Variants in RMND5A observed in about 807,000 individuals in gnomAD.
RMND5A encodes the protein E3 ubiquitin-protein transferase RMND5A.
A neutral mutation model predicts 49.7 loss-of-function variants in RMND5A; 17 were observed. The ratio of observed to expected loss-of-function variants is 0.34; its 90% confidence interval spans 0.23 to 0.51. RMND5A has a LOEUF of 0.51. RMND5A is among the 20% of genes least tolerant of loss of function. The probability of loss-of-function intolerance (pLI) is 0.96; values close to 1 mark genes in which losing one functional copy is unlikely to be tolerated. For synonymous variants in RMND5A, 156 were observed against 167.7 expected (o/e 0.93, Z 0.54); for missense variants, 255 against 471.3 (o/e 0.54, Z 4.25).
intron 6 of RMND5A, among the ~76,000 whole-genome samples, chr2:86,766,881 A>G (rs1204704679): frequency 2.6e-5 from 4 of 152,136 alleles, no homozygotes; most frequent in East Asian, 1.9e-4. Flanking sequence ...TATTAGTTTT[A>G]TTAAATCTTG....
chr2:86,741,854 G>T (rs1487820326), intron 2 of RMND5A, among the ~76,000 whole-genome samples: 4 of 144,410 alleles, frequency 2.8e-5, no homozygotes, highest in Non-Finnish European at 6.1e-5. Context: ...GAACTTTCGA[G>T]GAGTGCCCTT....
intron 6 of RMND5A, among the ~76,000 whole-genome samples, chr2:86,768,486 G>A (rs1195227746): frequency 1.3e-5 from 2 of 152,174 alleles, no homozygotes; most frequent in Non-Finnish European, 1.5e-5. Context: ...CATGCAGAAA[G>A]TTTACTGACA....
intron 4 of RMND5A, among the ~76,000 whole-genome samples, chr2:86,760,531 A>G (rs2104404066): frequency 6.6e-6 from 1 of 152,346 alleles, no homozygotes; most frequent in South Asian, 2.1e-4. Context: ...TTCAGTCTAC[A>G]CATCTGGACA....
chr2:86,744,267 C>T (rs1438314820), intron 2 of RMND5A, among the ~76,000 whole-genome samples: 1 of 152,152 alleles, frequency 6.6e-6, no homozygotes, highest in African/African-American at 2.4e-5. Context: ...TTGTTAAGTC[C>T]TCCAGGAGCT....
intron 4 of RMND5A, among the ~76,000 whole-genome samples, chr2:86,756,423 T>A (rs1298337440): frequency 6.6e-6 from 1 of 152,118 alleles, no homozygotes; most frequent in African/African-American, 2.4e-5. Flanking sequence ...CCATCAGTAA[T>A]CCTACAGTAA....
chr2:86,758,301 C>T (rs1417693929), intron 4 of RMND5A, among the ~76,000 whole-genome samples: 4 of 152,110 alleles, frequency 2.6e-5, no homozygotes, highest in African/African-American at 7.2e-5. Context: ...ATACTATACA[C>T]AGTGTTCTGC....
At chr2:86,755,382 G>A (rs770391549) in intron 4 of RMND5A, among the ~76,000 whole-genome samples, 3 of 152,230 alleles carry the variant, frequency 2.0e-5, no homozygotes, top group East Asian at 1.9e-4. Context: ...TCAGCTGCCC[G>A]AAGTACTGGG....
chr2:86,743,178 TC>T (rs1320327768), intron 2 of RMND5A, among the ~76,000 whole-genome samples: 1 of 152,184 alleles, frequency 6.6e-6, no homozygotes, highest in Non-Finnish European at 1.5e-5. Context: ...TTTTGACTAA[TC>T]TTTAAGGCAA....
chr2:86,772,020 T>C (rs887295923), intron 8 of RMND5A, among the ~76,000 whole-genome samples: 2 of 152,232 alleles, frequency 1.3e-5, no homozygotes, highest in African/African-American at 4.8e-5. Flanking sequence ...CACTTAGTGA[T>C]GTATTTTGGA....
At chr2:86,765,804 T>C in intron 5 of RMND5A, 55 bp from the exon 6 acceptor site, 1 of 1,534,858 alleles carries the variant, frequency 6.5e-7, no homozygotes, top group Non-Finnish European at 8.9e-7. Flanking sequence ...ATTCTTGCTT[T>C]TCGCAGCTTA....
rs183794897 is a variant in RMND5A, at chr2:86,764,327, A to G, written c.522-700A>G. ...CAAAATTTGATTTTAACAGCTGGCTATATACTTTCCTGCCTTTGCCCTCAC... is the reference window on the plus strand; with the variant it reads ...CAAAATTTGATTTTAACAGCTGGCTGTATACTTTCCTGCCTTTGCCCTCAC... On this transcript the variant is annotated intron_variant, in intron 4 of 8. Coordinates refer to ENST00000283632, the MANE Select transcript of RMND5A (RefSeq NM_022780.4). Among the ~76,000 whole-genome samples, 655 of 152,328 alleles carry G rather than the reference A, an allele frequency of 4.3e-3. 3 individuals carry two copies. Among genetic ancestry groups the G allele is most frequent in the African/African-American group, 0.015 (612 of 41,568 alleles).
chr2:86,743,893 G>A (rs1255233368), intron 2 of RMND5A, among the ~76,000 whole-genome samples: 3 of 151,010 alleles, frequency 2.0e-5, no homozygotes, highest in African/African-American at 4.9e-5. Flanking sequence ...GAGGAGAATC[G>A]CTTGAACCTG....
chr2:86,734,972 G>A (rs1681391056), intron 1 of RMND5A, among the ~76,000 whole-genome samples: 1 of 146,686 alleles, frequency 6.8e-6, no homozygotes. Flanking sequence ...TGTCTATTCT[G>A]TACCTTCCAT....
chr2:86,738,467 C>T (rs4832310), intron 1 of RMND5A, among the ~76,000 whole-genome samples: 3 of 30,878 alleles, frequency 9.7e-5, no homozygotes, highest in Non-Finnish European at 1.8e-4. Flanking sequence ...TGCTTAAGCA[C>T]GGGAAGCAGA....
intron 4 of RMND5A, among the ~76,000 whole-genome samples, chr2:86,763,436 TGGTACTGTTGATTGATGTGG>T (rs1377388338): frequency 6.6e-6 from 1 of 152,240 alleles, no homozygotes; most frequent in East Asian, 1.9e-4. Flanking sequence ...ACAGTGCTGT[TGGTACTGTTGATTGATGTGG>T]GGCATTCACG....
intron 4 of RMND5A, among the ~76,000 whole-genome samples, chr2:86,762,020 A>G (rs1021006902): frequency 1.3e-5 from 2 of 152,210 alleles, no homozygotes; most frequent in East Asian, 3.8e-4. Flanking sequence ...TAATTACTCT[A>G]TAGGCCTGTT....
intron 2 of RMND5A, among the ~76,000 whole-genome samples, chr2:86,745,127 A>G (rs954338096): frequency 2.6e-5 from 4 of 151,968 alleles, no homozygotes; most frequent in Admixed American, 6.6e-5. Context: ...TATTTAGTCA[A>G]TTGACTTTTA....
intron 4 of RMND5A, among the ~76,000 whole-genome samples, chr2:86,757,524 T>A (rs1351017317): frequency 6.6e-6 from 1 of 152,180 alleles, no homozygotes; most frequent in Non-Finnish European, 1.5e-5. Flanking sequence ...TGGTGGCAGA[T>A]AGAAAGCCAA....
At chr2:86,757,954 T>G (rs190623110) in intron 4 of RMND5A, among the ~76,000 whole-genome samples, 1 of 152,136 alleles carries the variant, frequency 6.6e-6, no homozygotes, top group Admixed American at 6.5e-5. Flanking sequence ...AAGAGGAGAT[T>G]GTTCTAGAAA....
Sources: allele counts gnomAD v4.1 joint callset (sites outside exome capture counted in the v4.1 genomes callset), GRCh38; gene constraint gnomAD v4.1.1; transcripts MANE v1.5; gene names NCBI Gene and HGNC (gene_info 2026-07-23, HGNC 2026-07-21).